Variants in LRP1B observed in about 807,000 individuals in gnomAD.
LRP1B encodes the protein low-density lipoprotein receptor-related protein 1B.
A neutral mutation model predicts 556.6 loss-of-function variants in LRP1B; 217 were observed. The ratio of observed to expected loss-of-function variants is 0.39; its 90% CI spans 0.35 to 0.44. The LOEUF is 0.44. Among genes scored for constraint, LRP1B ranks in the 20% least tolerant of loss-of-function variants. LRP1B has a pLI of 1.00. For missense variants in LRP1B, 5,053 were observed against 5,620.8 expected (o/e 0.90, Z 3.23); for synonymous variants, 2,047 against 1,865.8 (o/e 1.10, Z -2.50).
intron 2 of LRP1B, among the ~76,000 whole-genome samples, chr2:141,679,185 C>A (rs545349356): frequency 1.3e-5 from 2 of 152,040 alleles, no homozygotes. Flanking sequence ...TAATAACACA[C>A]GAGTAAGCCT....
chr2:141,785,487 CTT>C (rs559725283), intron 2 of LRP1B, among the ~76,000 whole-genome samples: 47 of 151,874 alleles, frequency 3.1e-4, no homozygotes, highest in South Asian at 6.2e-4. Context: ...TTAGGTGACT[CTT>C]TTCCATGTGT....
intron 55 of LRP1B, among the ~76,000 whole-genome samples, chr2:140,500,444 T>A (rs1689134455): frequency 6.6e-6 from 1 of 152,006 alleles, no homozygotes; most frequent in Admixed American, 6.6e-5. Flanking sequence ...CCCACATCTT[T>A]GCCATACAAC....
At chr2:140,810,430 C>A (rs1454873364) in intron 32 of LRP1B, among the ~76,000 whole-genome samples, 2 of 151,690 alleles carry the variant, frequency 1.3e-5, no homozygotes, top group African/African-American at 4.8e-5. Context: ...CTTCAGTAAT[C>A]CCCTGGATAT....
intron 2 of LRP1B, among the ~76,000 whole-genome samples, chr2:141,656,505 G>A (rs569194499): frequency 5.1e-4 from 77 of 152,172 alleles, no homozygotes; most frequent in African/African-American, 1.8e-3. Flanking sequence ...ATCAAAGGAT[G>A]TGTTTCAAAC....
chr2:141,957,591 T>G (rs1346161296), intron 1 of LRP1B, among the ~76,000 whole-genome samples: 2 of 152,036 alleles, frequency 1.3e-5, no homozygotes, highest in Non-Finnish European at 2.9e-5. Context: ...CATTTTGTGC[T>G]CTTTTCCTAT....
Position 140,270,281 on chromosome 2 carries a change from G to A in LRP1B, c.13208C>T (p.Thr4403Ile). The change falls in exon 86 of 91, where the codon ACA becomes ATA. Residue 4403 changes from threonine (T) to isoleucine (I), a missense_variant. Around this residue, in one of 5 missense-constraint regions of LRP1B, gnomAD observed 551 missense variants for 592.0 expected, o/e 0.93. Transcript: ENST00000389484. ...LCDGYCYNGG[T>I]CQLDPETNVP... ...ATTTGTCTCGGGGTCCAGCTGGCAT[G>A]TGCCACCATTGTAACAGTAGCCATC... 1 of 1,612,126 alleles carries A rather than the reference G, an allele frequency of 6.2e-7. No homozygotes were observed. The highest frequency in any genetic ancestry group is 8.5e-7 in the Non-Finnish European group (1 of 1,178,702).
intron 3 of LRP1B, among the ~76,000 whole-genome samples, chr2:141,430,092 A>T (rs1479630583): frequency 6.6e-6 from 1 of 152,176 alleles, no homozygotes; most frequent in African/African-American, 2.4e-5. Flanking sequence ...TAGCCTAAAA[A>T]GTAAATATCC....
At chr2:141,316,194 T>C (rs949403743) in intron 3 of LRP1B, among the ~76,000 whole-genome samples, 1 of 152,052 alleles carries the variant, frequency 6.6e-6, no homozygotes, top group African/African-American at 2.4e-5. Context: ...TAAGATTCTT[T>C]TCCTTTTAAA....
intron 1 of LRP1B, among the ~76,000 whole-genome samples, chr2:142,079,479 T>C (rs1705632736): frequency 6.7e-6 from 1 of 149,112 alleles, no homozygotes; most frequent in African/African-American, 2.5e-5. Context: ...ATACATCCAA[T>C]ATTTTCTTTC....
At chr2:140,929,939 G>A (rs1159689436) in intron 20 of LRP1B, among the ~76,000 whole-genome samples, 1 of 152,096 alleles carries the variant, frequency 6.6e-6, no homozygotes, top group African/African-American at 2.4e-5. Context: ...AAAAAGTCAT[G>A]AGGTTTTATT....
chr2:140,530,621 C>T (rs1485849), intron 47 of LRP1B, among the ~76,000 whole-genome samples: 65,886 of 151,918 alleles, frequency 0.43, 15,149 homozygotes, highest in East Asian at 0.58. Flanking sequence ...GCTACCCATT[C>T]GTTTATCCTA....
chr2:141,064,331 G>A (rs574849168), intron 7 of LRP1B, among the ~76,000 whole-genome samples: 11 of 151,970 alleles, frequency 7.2e-5, no homozygotes, highest in African/African-American at 2.4e-4. Context: ...TAGTTATGGA[G>A]GAAGAGTATA....
At chr2:140,951,176 C>T (rs980879356) in intron 19 of LRP1B, among the ~76,000 whole-genome samples, 1 of 152,080 alleles carries the variant, frequency 6.6e-6, no homozygotes, top group Admixed American at 6.6e-5. Flanking sequence ...CAATATCCTC[C>T]CTTTTTCCCC....
chr2:140,606,567 G>A (rs1682875107), intron 41 of LRP1B, among the ~76,000 whole-genome samples: 1 of 151,702 alleles, frequency 6.6e-6, no homozygotes, highest in African/African-American at 2.4e-5. Flanking sequence ...AATCTTAAAT[G>A]AAAAAAACAA....
chr2:141,384,206 G>T (rs763116715), intron 3 of LRP1B, among the ~76,000 whole-genome samples: 1 of 151,716 alleles, frequency 6.6e-6, no homozygotes, highest in East Asian at 1.9e-4. Context: ...TTTCAAAGAC[G>T]TTAAAAAGTG....
chr2:140,233,285 C>G lies in LRP1B; in HGVS notation c.13701G>C (p.Met4567Ile), dbSNP rs765375478. ...YSNPVYAKLY[M>I]DGQNCRNSLG... The stretch of plus-strand genomic sequence containing the variant: ...AGGAGTTTCGACAGTTTTGCCCATC[C>G]ATATATAATTTTGCATATACCGGAT... Residue 4567 changes from methionine (M) to isoleucine (I), a missense_variant, in exon 91 of 91, where the codon ATG becomes ATC. This residue lies in a region of LRP1B where 551 missense variants were observed against 592.0 expected (regional missense o/e 0.93). Coordinates refer to ENST00000389484, the MANE Select transcript of LRP1B (RefSeq NM_018557.3). 6.2e-7 allele frequency: 1 copy of G among 1,604,574 alleles called. No individual in the cohort carries two copies.
chr2:141,490,424 C>G (rs1035807783), intron 2 of LRP1B, among the ~76,000 whole-genome samples: 2 of 140,580 alleles, frequency 1.4e-5, no homozygotes, highest in African/African-American at 5.0e-5. Context: ...TAGAATATAT[C>G]AAGTGATTTT....
At chr2:140,830,072 G>A (rs1051034980) in intron 31 of LRP1B, among the ~76,000 whole-genome samples, 2 of 151,636 alleles carry the variant, frequency 1.3e-5, no homozygotes, top group Non-Finnish European at 1.5e-5. Flanking sequence ...AAATAGAAAA[G>A]CCAAACAGAC....
intron 5 of LRP1B, among the ~76,000 whole-genome samples, chr2:141,234,753 A>G (rs1321807899): frequency 6.6e-6 from 1 of 152,178 alleles, no homozygotes; most frequent in Non-Finnish European, 1.5e-5. Flanking sequence ...ATTAACAGAA[A>G]ATTATGTAGT....
Sources: gnomAD v4.1 joint callset for allele counts (sites outside exome capture counted in the v4.1 genomes callset) on GRCh38, gnomAD v4.1.1 for gene constraint, gnomAD v4.1.1 regional missense constraint, MANE v1.5 for transcripts, NCBI Gene and HGNC (gene_info 2026-07-23, HGNC 2026-07-21) for gene names.